Variants in TMEM132C observed in about 807,000 individuals in gnomAD.
The protein encoded by TMEM132C is protein phosphatase 1, regulatory subunit 152.
Under a neutral mutation model 61.4 loss-of-function variants are expected in TMEM132C, and 29 were observed. That is an observed-to-expected ratio of 0.47 (90% CI 0.35 to 0.64). The LOEUF (loss-of-function observed/expected upper bound fraction) is 0.64, where lower values mean the gene tolerates loss of function less well. Among genes scored for constraint, TMEM132C ranks in the 30% least tolerant of loss-of-function variants. The pLI is 0.00. For missense variants in TMEM132C, 1,408 were observed against 1,476.9 expected (o/e 0.95, Z 0.76); for synonymous variants, 656 against 633.1 (o/e 1.04, Z -0.54).
At chr12:128,473,765 T>C (rs1437711641) in intron 2 of TMEM132C, among the ~76,000 whole-genome samples, 1 of 151,838 alleles carries the variant, frequency 6.6e-6, no homozygotes, top group Non-Finnish European at 1.5e-5. Flanking sequence ...TTCACGTGTC[T>C]TCTGCTCCCA....
chr12:128,587,418 C>T (rs961971793), intron 3 of TMEM132C, among the ~76,000 whole-genome samples: 1 of 152,192 alleles, frequency 6.6e-6, no homozygotes, highest in Non-Finnish European at 1.5e-5. Flanking sequence ...TGTCACTAAG[C>T]CAAGTCATGG....
intron 4 of TMEM132C, among the ~76,000 whole-genome samples, chr12:128,632,332 A>G (rs1013071296): frequency 4.6e-5 from 7 of 152,160 alleles, no homozygotes; most frequent in Admixed American, 4.6e-4. Context: ...ATAGAAAAAT[A>G]TTGGCCATTA....
chr12:128,507,598 G>A (rs949210276), intron 2 of TMEM132C, among the ~76,000 whole-genome samples: 36 of 152,064 alleles, frequency 2.4e-4, no homozygotes, highest in Non-Finnish European at 8.8e-5. Context: ...ATGACGGGGA[G>A]CTGCTTCAGG....
chr12:128,643,263 A>C (rs1847199005), intron 4 of TMEM132C, among the ~76,000 whole-genome samples: 1 of 152,190 alleles, frequency 6.6e-6, no homozygotes, highest in African/African-American at 2.4e-5. Flanking sequence ...GACACAGGAA[A>C]CTGGAAAATG....
At chr12:128,468,034 C>G (rs1870799443) in intron 2 of TMEM132C, among the ~76,000 whole-genome samples, 1 of 152,188 alleles carries the variant, frequency 6.6e-6, no homozygotes, top group African/African-American at 2.4e-5. Flanking sequence ...GGGAATCCGG[C>G]ACCATAGGGA....
chr12:128,279,057 T>C (rs1474156753), intron 1 of TMEM132C, among the ~76,000 whole-genome samples: 1 of 152,086 alleles, frequency 6.6e-6, no homozygotes, highest in African/African-American at 2.4e-5. Context: ...TAAGTTTCTC[T>C]CCTTATATAC....
chr12:128,514,532 GC>G (rs912377968), intron 2 of TMEM132C, among the ~76,000 whole-genome samples: 3 of 151,948 alleles, frequency 2.0e-5, no homozygotes, highest in South Asian at 2.1e-4. Context: ...CAGGCGGGGT[GC>G]GGGGGCGACG....
intron 4 of TMEM132C, among the ~76,000 whole-genome samples, chr12:128,644,261 C>T (rs1019500976): frequency 2.0e-5 from 3 of 152,182 alleles, no homozygotes; most frequent in African/African-American, 7.2e-5. Flanking sequence ...GGAAGCTAAA[C>T]ATTTGTCCAC....
chr12:128,424,754 T>A (rs6486622), intron 2 of TMEM132C, among the ~76,000 whole-genome samples: 136,261 of 152,232 alleles, frequency 0.9, 62,319 homozygotes, highest in East Asian at 1. Context: ...AAGGCTATTG[T>A]CCTTGACTTT....
intron 1 of TMEM132C, among the ~76,000 whole-genome samples, chr12:128,368,597 G>A (rs145556988): frequency 1.3e-5 from 2 of 152,308 alleles, no homozygotes; most frequent in East Asian, 1.9e-4. Flanking sequence ...AGGAGGGTGG[G>A]CATGAAGGTG....
chr12:128,357,116 C>T (rs1260011661), intron 1 of TMEM132C, among the ~76,000 whole-genome samples: 1 of 152,122 alleles, frequency 6.6e-6, no homozygotes, highest in African/African-American at 2.4e-5. Context: ...TACAGCAGGT[C>T]GGGAGCCCAC....
At chr12:128,483,759 C>T (rs1230406027) in intron 2 of TMEM132C, among the ~76,000 whole-genome samples, 8 of 152,090 alleles carry the variant, frequency 5.3e-5, no homozygotes, top group East Asian at 1.9e-4. Context: ...ACATAGCCAT[C>T]GTTAGAGATT....
At chr12:128,579,712 T>C (rs1875258031) in intron 3 of TMEM132C, among the ~76,000 whole-genome samples, 1 of 152,128 alleles carries the variant, frequency 6.6e-6, no homozygotes, top group Non-Finnish European at 1.5e-5. Context: ...GCTGAGTGCC[T>C]ACCTCTGTGC....
intron 1 of TMEM132C, among the ~76,000 whole-genome samples, chr12:128,400,594 CTTTTGTT>C (rs1248478302): frequency 1.6e-5 from 1 of 62,702 alleles, no homozygotes; most frequent in Non-Finnish European, 2.8e-5. Context: ...CAACCCCATT[CTTTTGTT>C]TTTTTTTTTT....
chr12:128,684,575 C>T (rs1453570232), intron 5 of TMEM132C, among the ~76,000 whole-genome samples: 1 of 152,232 alleles, frequency 6.6e-6, no homozygotes, highest in Non-Finnish European at 1.5e-5. Flanking sequence ...GACAGCAGTC[C>T]TGAGCCGAGA....
rs1872049860 is a variant in TMEM132C at position 128,498,572 on chromosome 12, G to A, written c.975-45385G>A. Among the ~76,000 whole-genome samples the A allele has an allele frequency of 3.3e-5, 5 of 152,072 alleles. No homozygotes were observed. In the South Asian group the frequency reaches 1.0e-3, roughly 32 times the overall value. On this transcript the variant is annotated intron_variant, in intron 2 of 8. Transcript: ENST00000435159. Reference sequence around the variant, plus strand: ...TGCCTGTAATCCCAGCTACTCAGGAGGCTGAGGCAAGAGAATTGCTTGAAC... The same window carrying A: ...TGCCTGTAATCCCAGCTACTCAGGAAGCTGAGGCAAGAGAATTGCTTGAAC...
At chr12:128,362,750 T>C (rs1873745364) in intron 1 of TMEM132C, among the ~76,000 whole-genome samples, 1 of 152,216 alleles carries the variant, frequency 6.6e-6, no homozygotes, top group Admixed American at 6.5e-5. Context: ...TTTTAGACTT[T>C]TCAGGTTAGG....
At chr12:128,522,784 T>G (rs1005848249) in intron 2 of TMEM132C, among the ~76,000 whole-genome samples, 4 of 152,184 alleles carry the variant, frequency 2.6e-5, no homozygotes, top group African/African-American at 9.7e-5. Flanking sequence ...TTATTAGCAT[T>G]GATGCCGAAG....
At chr12:128,643,642 G>C (rs1238798038) in intron 4 of TMEM132C, among the ~76,000 whole-genome samples, 2 of 152,190 alleles carry the variant, frequency 1.3e-5, no homozygotes, top group African/African-American at 4.8e-5. Flanking sequence ...AAATTTGGGA[G>C]GAGAGAGAAG....
Sources: gnomAD v4.1 joint callset for allele counts (sites outside exome capture counted in the v4.1 genomes callset) on GRCh38, gnomAD v4.1.1 for gene constraint, MANE v1.5 for transcripts, NCBI Gene and HGNC (gene_info 2026-07-23, HGNC 2026-07-21) for gene names.